Variants in KCNAB1 observed in about 807,000 individuals in gnomAD.
The protein encoded by KCNAB1 is voltage-gated potassium channel subunit beta-1.
In KCNAB1, 35 loss-of-function variants were observed where a neutral mutation model predicts 64.6. The ratio of observed to expected loss-of-function variants is 0.54; its 90% CI spans 0.41 to 0.72. KCNAB1 has a LOEUF of 0.72. KCNAB1 is among the 30% of genes least tolerant of loss of function. The pLI is 0.00. For synonymous variants in KCNAB1, 177 were observed against 183.8 expected, an observed-to-expected ratio of 0.96 and a Z score of 0.30; for missense variants, 401 against 512.9, an observed-to-expected ratio of 0.78 and a Z score of 2.11.
intron 1 of KCNAB1, among the ~76,000 whole-genome samples, chr3:156,125,478 T>A (rs1713601961): frequency 6.6e-6 from 1 of 152,264 alleles, no homozygotes; most frequent in Non-Finnish European, 1.5e-5. Context: ...AATGAGCTTT[T>A]ACATACTATC....
intron 1 of KCNAB1, among the ~76,000 whole-genome samples, chr3:156,157,693 C>G (rs1333460328): frequency 6.6e-6 from 1 of 151,816 alleles, no homozygotes; most frequent in Non-Finnish European, 1.5e-5. Flanking sequence ...TTATATTGAC[C>G]CACAGCTCAA....
chr3:156,197,269 T>G (rs562973283), intron 1 of KCNAB1, among the ~76,000 whole-genome samples: 26 of 152,194 alleles, frequency 1.7e-4, no homozygotes, highest in Non-Finnish European at 1.5e-4. Context: ...TTTTCTTTTT[T>G]TGTGTGTGTG....
chr3:156,479,059 T>G (rs1454876282), intron 8 of KCNAB1, among the ~76,000 whole-genome samples: 1 of 152,162 alleles, frequency 6.6e-6, no homozygotes, highest in South Asian at 2.1e-4. Context: ...TTGTTTATTT[T>G]TTCTGGTTCA....
At chr3:156,513,129 A>G (rs4267611) in intron 8 of KCNAB1, among the ~76,000 whole-genome samples, 77,937 of 151,908 alleles carry the variant, frequency 0.51, 20,519 homozygotes, top group African/African-American at 0.62. Flanking sequence ...GGAGAATGGC[A>G]TGAACCCGGG....
intron 1 of KCNAB1, among the ~76,000 whole-genome samples, chr3:156,321,149 C>G (rs1185428067): frequency 6.6e-6 from 1 of 152,142 alleles, no homozygotes; most frequent in African/African-American, 2.4e-5. Flanking sequence ...CACACTTTTC[C>G]TTTCTTTTCT....
In KCNAB1 at chr3:156,452,641, C is replaced by T. The variant is rs1197155981; in HGVS notation, c.320-258C>T. 6.6e-6 allele frequency among the ~76,000 whole-genome samples: 1 copy of T among 152,092 alleles called. No individual in the cohort carries two copies. Among genetic ancestry groups the T allele is most frequent in the Non-Finnish European group, 1.5e-5 (1 of 68,026 alleles). ...AAAGCATCTTCTAGGACAGGGCTTC[C>T]AATAGTATGTACAGTGGCTTTCAGT... On this transcript the variant is annotated intron_variant, in intron 2 of 13. Coordinates refer to ENST00000490337, the MANE Select transcript of KCNAB1 (RefSeq NM_172160.3). The surrounding 1 kb of genome is among the most constrained non-coding windows in gnomAD (Gnocchi z 4.6).
At position 156,123,112 on chromosome 3, in the gene KCNAB1, A is replaced by G. The variant is rs569819753; in HGVS notation, c.275+2226A>G. 1.9e-3 allele frequency among the ~76,000 whole-genome samples: 292 copies of G among 152,354 alleles called. 1 individual carries two copies. The highest frequency in any genetic ancestry group is 6.6e-3 in the African/African-American group (275 of 41,588). ...TCCAATTGTTCTTTCTTCCAATAAC[A>G]TGGCCCATGAGTGATATCTCCATTA... is the stretch of plus-strand genomic sequence containing the variant. On this transcript the variant is annotated intron_variant, in intron 1 of 13. Coordinates refer to ENST00000490337, the MANE Select transcript of KCNAB1 (RefSeq NM_172160.3).
intron 1 of KCNAB1, among the ~76,000 whole-genome samples, chr3:156,297,285 T>C (rs1207016346): frequency 1.4e-5 from 2 of 138,674 alleles, no homozygotes; most frequent in African/African-American, 2.6e-5. Context: ...TTTTTTTTTT[T>C]ACTCAGAGGG....
At chr3:156,409,184 T>C (rs1415191429) in intron 1 of KCNAB1, among the ~76,000 whole-genome samples, 1 of 152,218 alleles carries the variant, frequency 6.6e-6, no homozygotes, top group Non-Finnish European at 1.5e-5. Context: ...TACTCTGCCA[T>C]CAATATTGGG....
At chr3:156,292,239 T>C (rs1720487218) in intron 1 of KCNAB1, 1 of 1,242,950 alleles carries the variant, frequency 8.0e-7, no homozygotes, top group East Asian at 2.5e-5. Context: ...TTGCTCACTT[T>C]AGAATTCTCA....
At chr3:156,137,639 A>G (rs1322413184) in intron 1 of KCNAB1, among the ~76,000 whole-genome samples, 1 of 149,062 alleles carries the variant, frequency 6.7e-6, no homozygotes, top group Non-Finnish European at 1.5e-5. Flanking sequence ...CGCCCCCACC[A>G]GGTTCAAGCA....
intron 2 of KCNAB1, among the ~76,000 whole-genome samples, chr3:156,451,541 T>C (rs1173648674): frequency 6.6e-6 from 1 of 151,994 alleles, no homozygotes; most frequent in Non-Finnish European, 1.5e-5. Context: ...CATAAAGTGA[T>C]CTGGTAAGCT....
At chr3:156,534,477 T>G (rs149594484) in intron 13 of KCNAB1, among the ~76,000 whole-genome samples, 5 of 152,214 alleles carry the variant, frequency 3.3e-5, no homozygotes, top group Non-Finnish European at 5.9e-5. Context: ...AAAACCCTTC[T>G]GAGGCTTCCC....
At chr3:156,359,939 C>A (rs183693106) in intron 1 of KCNAB1, among the ~76,000 whole-genome samples, 1 of 152,218 alleles carries the variant, frequency 6.6e-6, no homozygotes, top group East Asian at 1.9e-4. Flanking sequence ...ACTAGTGGAC[C>A]ATTTTACTCC....
chr3:156,462,628 T>C (rs955277606), intron 5 of KCNAB1, among the ~76,000 whole-genome samples: 5 of 152,236 alleles, frequency 3.3e-5, no homozygotes, highest in Admixed American at 1.3e-4. Flanking sequence ...AACCAAGTTG[T>C]CAGAGTTGTC....
At chr3:156,450,387 TCAC>T (rs1322370304) in intron 2 of KCNAB1, among the ~76,000 whole-genome samples, 4 of 152,208 alleles carry the variant, frequency 2.6e-5, no homozygotes, top group Non-Finnish European at 4.4e-5. Flanking sequence ...TTCAAAATTC[TCAC>T]CACACCACAA....
At chr3:156,301,134 A>G (rs1008119188) in intron 1 of KCNAB1, among the ~76,000 whole-genome samples, 2 of 151,856 alleles carry the variant, frequency 1.3e-5, no homozygotes, top group Admixed American at 1.3e-4. Context: ...GAAATGCAAG[A>G]TTTTTCCTGA....
At chr3:156,259,763 A>G (rs1236492676) in intron 1 of KCNAB1, among the ~76,000 whole-genome samples, 1 of 152,104 alleles carries the variant, frequency 6.6e-6, no homozygotes, top group Admixed American at 6.5e-5. Flanking sequence ...AAAACCTTGC[A>G]CTGCTCAGTA....
At position 156,427,389 on chromosome 3, in the gene KCNAB1, T is replaced by A. The variant is rs190571420; in HGVS notation, c.319+5730T>A. On this transcript the variant is annotated intron_variant, in intron 2 of 13. Coordinates refer to ENST00000490337, the MANE Select transcript of KCNAB1 (RefSeq NM_172160.3). ...CACCTGGAAACACAGAAGACTGAGG[T>A]GTTTGGACAGGTTTAGGACATCTGG... is the stretch of plus-strand genomic sequence containing the variant. Among the ~76,000 whole-genome samples the A allele has an allele frequency of 1.4e-3, 219 of 152,146 alleles. 1 individual carries two copies. The highest frequency in any genetic ancestry group is 1.8e-3 in the Non-Finnish European group (121 of 67,984).
Sources: gnomAD v4.1 joint callset for allele counts (sites outside exome capture counted in the v4.1 genomes callset) on GRCh38, gnomAD v4.1.1 for gene constraint, Gnocchi (gnomAD v3.1) non-coding constraint, MANE v1.5 for transcripts, NCBI Gene and HGNC (gene_info 2026-07-23, HGNC 2026-07-21) for gene names.